SOCS6: variants seen among roughly 807,000 people sequenced by gnomAD.
SOCS6 encodes suppressor of cytokine signaling 6.
SOCS6 carries 5 observed loss-of-function variants against 27.7 expected under a neutral mutation model. The observed-to-expected ratio is 0.18, with a 90% CI of 0.09 to 0.38. The LOEUF is 0.38. SOCS6 is among the 10% of genes least tolerant of loss of function. The probability of loss-of-function intolerance (pLI) is 1.00; values close to 1 mark genes in which losing one functional copy is unlikely to be tolerated. For synonymous variants in SOCS6, 271 were observed against 260.0 expected, an observed-to-expected ratio of 1.04 and a Z score of -0.41; for missense variants, 595 against 688.1, an observed-to-expected ratio of 0.86 and a Z score of 1.51.
intron 1 of SOCS6, among the ~76,000 whole-genome samples, chr18:70,316,708 T>A (rs2146287414): frequency 6.6e-6 from 1 of 152,318 alleles, no homozygotes; most frequent in Non-Finnish European, 1.5e-5. Context: ...GACTCTTTTT[T>A]TTCTTCAAAA....
Position 70,326,034 on chromosome 18 carries a change from G to A in SOCS6, c.1366G>A (p.Asp456Asn). 6.2e-7 allele frequency: 1 copy of A among 1,614,190 alleles called. No individual in the cohort carries two copies. Among genetic ancestry groups the A allele is most frequent in the Non-Finnish European group, 8.5e-7 (1 of 1,180,024 alleles). ...PDVEGHTSIV[D>N]LIEHSIRDSE... Reference sequence around the variant, plus strand: ...TGTGGAAGGACATACGTCCATAGTTGATCTAATTGAGCATTCAATCAGGGA... The same window carrying A: ...TGTGGAAGGACATACGTCCATAGTTAATCTAATTGAGCATTCAATCAGGGA... Residue 456 changes from aspartate to asparagine, a missense_variant, in exon 2 of 2, where the codon GAT (aspartate) becomes AAT (asparagine). Around this residue, in one of 2 missense-constraint regions of SOCS6, gnomAD observed 128 missense variants for 207.0 expected, o/e 0.62. Coordinates refer to ENST00000397942, the MANE Select transcript of SOCS6 (RefSeq NM_004232.4).
At chr18:70,300,301 A>G (rs537885392) in intron 1 of SOCS6, among the ~76,000 whole-genome samples, 23 of 151,936 alleles carry the variant, frequency 1.5e-4, no homozygotes, top group African/African-American at 5.5e-4. Flanking sequence ...TAGTTTTTGT[A>G]TTTTTTTAGT....
intron 1 of SOCS6, among the ~76,000 whole-genome samples, chr18:70,290,507 T>A (rs960386707): frequency 3.9e-5 from 6 of 152,218 alleles, no homozygotes; most frequent in African/African-American, 1.2e-4. Context: ...CTTTCTAATT[T>A]CTCCTCCTAG....
intron 1 of SOCS6, among the ~76,000 whole-genome samples, chr18:70,306,791 G>T (rs1333957991): frequency 6.6e-6 from 1 of 152,132 alleles, no homozygotes; most frequent in African/African-American, 2.4e-5. Flanking sequence ...TTATCAATAG[G>T]TGTTGTCAAT....
chr18:70,313,282 A>T (rs995621291), intron 1 of SOCS6, among the ~76,000 whole-genome samples: 6 of 152,088 alleles, frequency 3.9e-5, no homozygotes, highest in Non-Finnish European at 7.3e-5. Flanking sequence ...CTGATTTCTA[A>T]CAGCACAGTT....
At chr18:70,317,918 A>C (rs2062419814) in intron 1 of SOCS6, among the ~76,000 whole-genome samples, 1 of 152,078 alleles carries the variant, frequency 6.6e-6, no homozygotes, top group Non-Finnish European at 1.5e-5. Context: ...GCATGGTGTG[A>C]TCTTGGCTCA....
chr18:70,296,386 C>T (rs1330782309), intron 1 of SOCS6, among the ~76,000 whole-genome samples: 4 of 152,182 alleles, frequency 2.6e-5, no homozygotes, highest in Admixed American at 2.6e-4. Context: ...GTGGACGCCG[C>T]CTCCCTTGGC....
At position 70,327,006 on chromosome 18, in the gene SOCS6, A is replaced by G. The variant is rs1236225423; in HGVS notation, c.*730A>G. 1 of 166,198 alleles carries G rather than the reference A, an allele frequency of 6.0e-6. No homozygotes were observed. Among genetic ancestry groups the G allele is most frequent in the Non-Finnish European group, 1.5e-5 (1 of 68,102 alleles). 10.3% of individuals were successfully genotyped at this position (166,198 alleles called of 1,614,324 possible). On this transcript the variant is annotated 3_prime_UTR_variant, in exon 2 of 2. Coordinates refer to ENST00000397942, the MANE Select transcript of SOCS6 (RefSeq NM_004232.4). ...ATTAAAAAATTGTAAAGAAATGTATACCACCAATTTAGAAATTGTTGCCTT... is the reference window on the plus strand; with the variant it reads ...ATTAAAAAATTGTAAAGAAATGTATGCCACCAATTTAGAAATTGTTGCCTT...
At chr18:70,322,729 A>G (rs978127943) in intron 1 of SOCS6, among the ~76,000 whole-genome samples, 1 of 152,248 alleles carries the variant, frequency 6.6e-6, no homozygotes, top group Admixed American at 6.5e-5. Context: ...ATTCAGAAAC[A>G]TAGTACATGA....
intron 1 of SOCS6, chr18:70,296,798 T>A (rs1271517308): frequency 9.9e-5 from 15 of 152,206 alleles, no homozygotes. Context: ...TTGGATGTGC[T>A]GAGCATTCCA....
chr18:70,294,569 G>A (rs2062315240), intron 1 of SOCS6, among the ~76,000 whole-genome samples: 1 of 152,236 alleles, frequency 6.6e-6, no homozygotes, highest in Admixed American at 6.5e-5. Context: ...CCACACCTGT[G>A]TTAGACTTGA....
intron 1 of SOCS6, among the ~76,000 whole-genome samples, chr18:70,315,511 G>A (rs2062407946): frequency 6.6e-6 from 1 of 152,134 alleles, no homozygotes; most frequent in Non-Finnish European, 1.5e-5. Context: ...TCATGCATGT[G>A]TGGTTATTGC....
chr18:70,318,493 C>T (rs182902463), intron 1 of SOCS6, among the ~76,000 whole-genome samples: 21 of 152,104 alleles, frequency 1.4e-4, no homozygotes, highest in Admixed American at 4.6e-4. Context: ...ATAAGAAAAT[C>T]GCAGGCACAG....
At chr18:70,319,608 TAAAA>T (rs34494275) in intron 1 of SOCS6, among the ~76,000 whole-genome samples, 20,828 of 126,218 alleles carry the variant, frequency 0.17, 1,660 homozygotes, top group Middle Eastern at 0.23. Context: ...AGCACTTCAG[TAAAA>T]AAAAAAAAAA....
chr18:70,323,453 A>G (rs1432097120), intron 1 of SOCS6, among the ~76,000 whole-genome samples: 2 of 152,216 alleles, frequency 1.3e-5, no homozygotes, highest in South Asian at 2.1e-4. Flanking sequence ...ATATTTCTGG[A>G]TATAGAAGTA....
chr18:70,289,402 G>T (rs906602276), intron 1 of SOCS6, among the ~76,000 whole-genome samples: 16 of 147,204 alleles, frequency 1.1e-4, no homozygotes, highest in African/African-American at 3.4e-4. Context: ...CTGAAGGGCC[G>T]AGGCCTGCGC....
intron 1 of SOCS6, among the ~76,000 whole-genome samples, chr18:70,324,302 A>AAATAAT (rs560395562): frequency 4.7e-5 from 7 of 150,200 alleles, no homozygotes; most frequent in Non-Finnish European, 7.4e-5. Context: ...ACTCATCTCA[A>AAATAAT]AATAATAATA....
intron 1 of SOCS6, among the ~76,000 whole-genome samples, chr18:70,307,287 C>A (rs1238121139): frequency 6.6e-6 from 1 of 152,084 alleles, no homozygotes; most frequent in Non-Finnish European, 1.5e-5. Flanking sequence ...ATTTTTCTAT[C>A]AGTGTTCATG....
chr18:70,313,293 T>G (rs2062397946), intron 1 of SOCS6, among the ~76,000 whole-genome samples: 1 of 152,216 alleles, frequency 6.6e-6, no homozygotes, highest in Non-Finnish European at 1.5e-5. Context: ...CAGCACAGTT[T>G]ATGTTACAAC....
Sources: allele counts gnomAD v4.1 joint callset (sites outside exome capture counted in the v4.1 genomes callset), GRCh38; gene constraint gnomAD v4.1.1; regional missense constraint gnomAD v4.1.1; transcripts MANE v1.5; gene names NCBI Gene and HGNC (gene_info 2026-07-23, HGNC 2026-07-21).